GNG12: variants seen among roughly 807,000 people sequenced by gnomAD.
The protein encoded by GNG12 is guanine nucleotide-binding protein G(I)/G(S)/G(O) subunit gamma-12.
For synonymous variants in GNG12, 28 were observed against 29.7 expected (o/e 0.94, Z 0.19); for missense variants, 69 against 83.8 (o/e 0.82, Z 0.69).
intron 3 of GNG12, 82 bp from the exon 4 acceptor site, chr1:67,705,658 T>C: frequency 1.3e-6 from 2 of 1,492,066 alleles, no homozygotes; most frequent in South Asian, 1.4e-5. Flanking sequence ...TGCTAGGCTA[T>C]TGAATGGAAG....
Position 67,781,085 on chromosome 1 carries a change from T to C in GNG12, c.-76-3578A>G, listed in dbSNP as rs150770851. Among the ~76,000 whole-genome samples, 956 of 152,258 alleles carry C rather than the reference T, an allele frequency of 6.3e-3. 8 individuals are homozygous for C. The highest frequency in any genetic ancestry group is 0.022 in the African/African-American group (922 of 41,554). On this transcript the variant is annotated intron_variant, in intron 1 of 3. Transcript: ENST00000370982. ...GTGAGAAAGGCAAAAAGTTTTAAGA[T>C]CTAGAACATATACAGATCTCTAGGA...
chr1:67,707,768 T>C, intron 2 of GNG12, 56 bp from the exon 3 acceptor site: 2 of 831,736 alleles, frequency 2.4e-6, no homozygotes, highest in Non-Finnish European at 3.9e-6. Flanking sequence ...TATTTAAACA[T>C]TCATAATAAT....
intron 2 of GNG12, among the ~76,000 whole-genome samples, chr1:67,720,632 T>C (rs1394331748): frequency 1.3e-5 from 2 of 152,232 alleles, no homozygotes; most frequent in African/African-American, 4.8e-5. Flanking sequence ...TTAGATAAAA[T>C]TATTTTATTT....
intron 2 of GNG12, among the ~76,000 whole-genome samples, chr1:67,715,865 C>T (rs1646322482): frequency 6.6e-6 from 1 of 152,182 alleles, no homozygotes. Flanking sequence ...TAAATATTAG[C>T]TATTATTTGG....
chr1:67,738,422 C>T (rs758026826), intron 2 of GNG12, among the ~76,000 whole-genome samples: 6 of 152,124 alleles, frequency 3.9e-5, no homozygotes, highest in Non-Finnish European at 5.9e-5. Context: ...AATAAATAGA[C>T]TCAGTCACTG....
rs558983573 is a variant in GNG12, at chr1:67,764,897, C to T, written c.-27+12561G>A. 3.9e-5 allele frequency among the ~76,000 whole-genome samples: 6 copies of T among 152,298 alleles called. No homozygotes were observed. The South Asian group carries it at 1.0e-3, about 26-fold the overall frequency. On this transcript the variant is annotated intron_variant, in intron 2 of 3. Coordinates refer to ENST00000370982, the MANE Select transcript of GNG12 (RefSeq NM_018841.6). ...TCAAGTAGCAAGAACACAGAGGAAT[C>T]GTCCAGGAACTAGACCTGGGAAAAA...
At chr1:67,811,091 A>G (rs1281159479) in intron 1 of GNG12, among the ~76,000 whole-genome samples, 1 of 152,178 alleles carries the variant, frequency 6.6e-6, no homozygotes, top group Non-Finnish European at 1.5e-5. Flanking sequence ...CTGTGTTTTA[A>G]CAGCCCTCCA....
Sources: allele counts gnomAD v4.1 joint callset (sites outside exome capture counted in the v4.1 genomes callset), GRCh38; gene constraint gnomAD v4.1.1; transcripts MANE v1.5; gene names NCBI Gene and HGNC (gene_info 2026-07-23, HGNC 2026-07-21).